Variants in CEP85L observed in about 807,000 individuals in gnomAD.
CEP85L encodes the protein centrosomal protein 85L.
CEP85L carries 60 observed loss-of-function variants against 100.3 expected under a neutral mutation model. That is an observed-to-expected ratio of 0.60 (90% CI 0.49 to 0.74). The LOEUF (loss-of-function observed/expected upper bound fraction) is 0.74, where lower values mean the gene tolerates loss of function less well. Among genes scored for constraint, CEP85L ranks in the 30% least tolerant of loss-of-function variants. CEP85L has a pLI of 0.00. For missense variants in CEP85L, 973 were observed against 936.2 expected, an observed-to-expected ratio of 1.04 and a Z score of -0.51; for synonymous variants, 319 against 322.7, an observed-to-expected ratio of 0.99 and a Z score of 0.12.
At chr6:118,553,920 G>A (rs969744879) in intron 3 of CEP85L, among the ~76,000 whole-genome samples, 9 of 152,144 alleles carry the variant, frequency 5.9e-5, no homozygotes, top group African/African-American at 2.2e-4. Context: ...AGAGACTTGA[G>A]GAAAATATTA....
chr6:118,651,644 G>A, upstream of CEP85L: 1 of 1,019,886 alleles, frequency 9.8e-7, no homozygotes. Context: ...CGAGGGGGCG[G>A]GGCCTCGGGC....
chr6:118,637,702 T>TAAAAA (rs1583207424), intron 1 of CEP85L, among the ~76,000 whole-genome samples: 8 of 3,438 alleles, frequency 2.3e-3, no homozygotes, highest in Non-Finnish European at 4.5e-3. Context: ...CAAGACTGTC[T>TAAAAA]CAAAAAAAAA....
chr6:118,664,310 G>A (rs1415565864), intron 1 of CEP85L: 2 of 152,158 alleles, frequency 1.3e-5, no homozygotes. Context: ...ATATTACATA[G>A]TACAAACCTA....
chr6:118,574,981 C>G (rs970999934), intron 2 of CEP85L, among the ~76,000 whole-genome samples: 1 of 151,404 alleles, frequency 6.6e-6, no homozygotes, highest in African/African-American at 2.4e-5. Flanking sequence ...GGTTGGGGGG[C>G]GGGGGCAGTG....
intron 6 of CEP85L, 46 bp from the exon 7 acceptor site, chr6:118,483,904 A>C (rs1481606276): frequency 6.4e-7 from 1 of 1,562,006 alleles, no homozygotes; most frequent in South Asian, 1.2e-5. Context: ...CAGTCATTAA[A>C]AGATATAACA....
chr6:118,651,105 G>A, intron 1 of CEP85L, 92 bp downstream of exon 1: 1 of 1,416,106 alleles, frequency 7.1e-7, no homozygotes, highest in Non-Finnish European at 9.1e-7. Flanking sequence ...GGTAAGACAG[G>A]CCTGAGGCGG....
intron 2 of CEP85L, among the ~76,000 whole-genome samples, chr6:118,578,785 AC>A (rs1410939866): frequency 6.6e-6 from 1 of 152,210 alleles, no homozygotes; most frequent in Non-Finnish European, 1.5e-5. Context: ...CGCGAGCGTG[AC>A]TGATGCAGGC....
At chr6:118,696,873 T>C (rs1777231734) in intron 1 of CEP85L, among the ~76,000 whole-genome samples, 1 of 152,210 alleles carries the variant, frequency 6.6e-6, no homozygotes, top group South Asian at 2.1e-4. Context: ...CCTTCCCATC[T>C]TTTTGCTTTG....
intron 3 of CEP85L, among the ~76,000 whole-genome samples, chr6:118,546,421 T>C (rs1778207241): frequency 6.6e-6 from 1 of 152,154 alleles, no homozygotes; most frequent in Non-Finnish European, 1.5e-5. Context: ...ACTAATTCTA[T>C]TTTCTTAGAA....
chr6:118,593,777 A>T (rs1781318555), intron 2 of CEP85L, among the ~76,000 whole-genome samples: 1 of 151,600 alleles, frequency 6.6e-6, no homozygotes, highest in South Asian at 2.1e-4. Context: ...ACAAGTCACC[A>T]CCAGCTTCTA....
chr6:118,648,668 G>A (rs1775357969), intron 1 of CEP85L, among the ~76,000 whole-genome samples: 1 of 151,560 alleles, frequency 6.6e-6, no homozygotes, highest in Non-Finnish European at 1.5e-5. Context: ...CGTGAACCTG[G>A]GAGGCGGAGC....
At chr6:118,549,034 A>G (rs759846265) in intron 3 of CEP85L, among the ~76,000 whole-genome samples, 1 of 151,994 alleles carries the variant, frequency 6.6e-6, no homozygotes, top group Non-Finnish European at 1.5e-5. Flanking sequence ...TAATAAATTG[A>G]GTTACTGATA....
intron 3 of CEP85L, among the ~76,000 whole-genome samples, chr6:118,532,579 C>T (rs537108792): frequency 6.6e-6 from 1 of 152,022 alleles, no homozygotes; most frequent in African/African-American, 2.4e-5. Flanking sequence ...TATACCATAA[C>T]AATAAATCTA....
At chr6:118,679,272 T>G (rs1425146025) in intron 1 of CEP85L, among the ~76,000 whole-genome samples, 1 of 152,226 alleles carries the variant, frequency 6.6e-6, no homozygotes, top group Non-Finnish European at 1.5e-5. Context: ...CCTCATCTAT[T>G]TTGTGTTCTT....
At chr6:118,468,825 T>C (rs757909477) in intron 12 of CEP85L, among the ~76,000 whole-genome samples, 3 of 152,164 alleles carry the variant, frequency 2.0e-5, no homozygotes, top group Non-Finnish European at 4.4e-5. Flanking sequence ...TACCACTCTA[T>C]TCACATATTT....
intron 5 of CEP85L, 143 bp downstream of exon 5, chr6:118,511,155 A>C: frequency 1.7e-6 from 1 of 601,074 alleles, no homozygotes; most frequent in Non-Finnish European, 2.9e-6. Flanking sequence ...GTAGTTGGAC[A>C]CTCTTTGCCA....
chr6:118,566,407 A>G (rs574565273), intron 2 of CEP85L, 91 bp from the exon 3 acceptor site: 25 of 1,095,730 alleles, frequency 2.3e-5, no homozygotes, highest in African/African-American at 4.8e-5. Flanking sequence ...ATATCTGAAC[A>G]TGGTTTCATA....
At chr6:118,506,913 T>G (rs1046774064) in intron 5 of CEP85L, among the ~76,000 whole-genome samples, 1 of 152,044 alleles carries the variant, frequency 6.6e-6, no homozygotes, top group African/African-American at 2.4e-5. Context: ...CTCAGGCTCC[T>G]TCACAAGTTG....
chr6:118,620,113 C>T (rs751437084), intron 2 of CEP85L, among the ~76,000 whole-genome samples: 2 of 152,200 alleles, frequency 1.3e-5, no homozygotes, highest in Admixed American at 6.5e-5. Flanking sequence ...AACCCCTCAG[C>T]TTTTCTAGAA....
Sources: gnomAD v4.1 joint callset for allele counts (sites outside exome capture counted in the v4.1 genomes callset) on GRCh38, gnomAD v4.1.1 for gene constraint, MANE v1.5 for transcripts, NCBI Gene and HGNC (gene_info 2026-07-23, HGNC 2026-07-21) for gene names.